MED13: variants seen among roughly 807,000 people sequenced by gnomAD.
MED13 encodes the protein mediator complex subunit 13.
In MED13, 23 loss-of-function variants were observed where a neutral mutation model predicts 225.2. The observed-to-expected ratio is 0.10, with a 90% CI of 0.07 to 0.14. The LOEUF (loss-of-function observed/expected upper bound fraction) is 0.14, where lower values mean the gene tolerates loss of function less well. Among genes scored for constraint, MED13 ranks in the 10% least tolerant of loss-of-function variants. MED13 has a pLI of 1.00. For synonymous variants in MED13, 942 were observed against 889.2 expected (o/e 1.06, Z -1.06); for missense variants, 2,197 against 2,594.5 (o/e 0.85, Z 3.33).
chr17:62,016,896 A>G (rs889805625), intron 8 of MED13, among the ~76,000 whole-genome samples: 1 of 151,740 alleles, frequency 6.6e-6, no homozygotes, highest in African/African-American at 2.4e-5. Flanking sequence ...TGTAATCCCA[A>G]CTACTCAGGA....
chr17:61,987,584 T>C (rs980077574), intron 11 of MED13, among the ~76,000 whole-genome samples: 2 of 152,092 alleles, frequency 1.3e-5, no homozygotes, highest in African/African-American at 4.8e-5. Flanking sequence ...AGTGTTTTTA[T>C]AGAAAAAAAA....
rs117379006 is a variant in MED13, at chr17:62,059,701, G to A, written c.301+3366C>T. On this transcript the variant is annotated intron_variant, in intron 2 of 29. Coordinates refer to ENST00000397786, the MANE Select transcript of MED13 (RefSeq NM_005121.3). ...GGGGTTAGCTAGAGAGACAGAGGCAGACTAATTACCCCAAGAGGGAGGTAG... is the reference window on the plus strand; with the variant it reads ...GGGGTTAGCTAGAGAGACAGAGGCAAACTAATTACCCCAAGAGGGAGGTAG... 1.2e-4 allele frequency among the ~76,000 whole-genome samples: 19 copies of A among 152,270 alleles called. No homozygotes were observed. The East Asian group carries it at 3.7e-3, about 29-fold the overall frequency.
intron 8 of MED13, among the ~76,000 whole-genome samples, chr17:62,012,021 A>C (rs1457147699): frequency 6.6e-6 from 1 of 152,100 alleles, no homozygotes; most frequent in Non-Finnish European, 1.5e-5. Context: ...GTTCGAGACC[A>C]GCTTGGCCAA....
intron 16 of MED13, among the ~76,000 whole-genome samples, chr17:61,976,550 T>C (rs1225229057): frequency 6.6e-6 from 1 of 152,234 alleles, no homozygotes; most frequent in Non-Finnish European, 1.5e-5. Context: ...TTGTATGGTA[T>C]TCTTAATTTT....
At chr17:61,959,089 C>T (rs1408364485) in intron 23 of MED13, among the ~76,000 whole-genome samples, 11 of 151,992 alleles carry the variant, frequency 7.2e-5, no homozygotes, top group African/African-American at 1.2e-4. Context: ...CTGCAACCTC[C>T]GCCTCCTGGG....
chr17:61,993,722 C>A (rs1208096376), intron 10 of MED13, among the ~76,000 whole-genome samples: 2 of 151,612 alleles, frequency 1.3e-5, no homozygotes, highest in Non-Finnish European at 2.9e-5. Context: ...TTGAGGTCAG[C>A]AGTTCAAGAC....
intron 9 of MED13, chr17:62,006,295 AGGG>A (rs2080447711): frequency 1.8e-5 from 1 of 54,326 alleles, no homozygotes. Context: ...GGGGGGGGGG[AGGG>A]AAAAAGAAAA....
chr17:61,960,091 G>A (rs753368150), intron 23 of MED13, among the ~76,000 whole-genome samples: 8 of 152,008 alleles, frequency 5.3e-5, no homozygotes, highest in Non-Finnish European at 1.2e-4. Context: ...CCTGTACAGC[G>A]TTCACTAGCC....
intron 18 of MED13, among the ~76,000 whole-genome samples, chr17:61,967,468 G>A (rs976335940): frequency 6.6e-6 from 1 of 152,126 alleles, no homozygotes; most frequent in Non-Finnish European, 1.5e-5. Context: ...AAAATTTAAA[G>A]ACTAAATTTC....
At chr17:62,019,158 C>T (rs1471679469) in intron 8 of MED13, among the ~76,000 whole-genome samples, 1 of 152,200 alleles carries the variant, frequency 6.6e-6, no homozygotes, top group African/African-American at 2.4e-5. Flanking sequence ...TCATATACTT[C>T]AACCAAGACA....
rs764579862 is a variant in MED13, at chr17:62,029,819, C to T, written c.1172+32G>A. On this transcript the variant is annotated intron_variant, in intron 7 of 29. Coordinates refer to ENST00000397786, the MANE Select transcript of MED13 (RefSeq NM_005121.3). Reference sequence around the variant, plus strand: ...CTAATTATAAGTAATTATCAACATGCAATTTTTGAACTTATAAATGAAAAT... The same window carrying T: ...CTAATTATAAGTAATTATCAACATGTAATTTTTGAACTTATAAATGAAAAT... The T allele has an allele frequency of 3.8e-6, 6 of 1,561,942 alleles. No individual in the cohort carries two copies. The South Asian group carries it at 4.8e-5, about 13-fold the overall frequency.
intron 16 of MED13, among the ~76,000 whole-genome samples, chr17:61,974,097 A>C (rs1156657078): frequency 2.6e-5 from 4 of 152,158 alleles, no homozygotes; most frequent in Admixed American, 6.5e-5. Context: ...ACATAGTAGA[A>C]TACTACTTAG....
rs78264201 is a variant in MED13, at chr17:61,995,030, T to G, written c.2181+122A>C. 6.1e-4 allele frequency: 481 copies of G among 793,508 alleles called. 2 individuals carry two copies. The African/African-American group carries it at 7.9e-3, about 13-fold the overall frequency. The allele number at this position is 793,508 out of a possible 1,614,324, so 49.2% of individuals were successfully genotyped here. ...CCGGGCAAAAATAAGTTTTTCTAAATAAATGATTACTCTTTCTATTCTAAG... is the reference window on the plus strand; with the variant it reads ...CCGGGCAAAAATAAGTTTTTCTAAAGAAATGATTACTCTTTCTATTCTAAG... On this transcript the variant is annotated intron_variant, in intron 10 of 29. Transcript: ENST00000397786.
At chr17:62,007,730 C>T (rs2080464591) in intron 9 of MED13, among the ~76,000 whole-genome samples, 2 of 151,900 alleles carry the variant, frequency 1.3e-5, no homozygotes, top group Admixed American at 1.3e-4. Context: ...CGCCTGTAGC[C>T]CCAGCTACTT....
At chr17:61,991,116 T>G (rs2080294696) in intron 11 of MED13, among the ~76,000 whole-genome samples, 1 of 152,138 alleles carries the variant, frequency 6.6e-6, no homozygotes, top group South Asian at 2.1e-4. Flanking sequence ...TTTTCAATTT[T>G]TATTTATTTA....
At chr17:62,029,773 T>G in intron 7 of MED13, 78 bp downstream of exon 7, 1 of 1,517,566 alleles carries the variant, frequency 6.6e-7, no homozygotes, top group South Asian at 1.3e-5. Flanking sequence ...AACAAATGAC[T>G]GTTTATACTT....
At chr17:61,958,010 G>A (rs1282738039) in intron 23 of MED13, among the ~76,000 whole-genome samples, 1 of 151,086 alleles carries the variant, frequency 6.6e-6, no homozygotes, top group African/African-American at 2.4e-5. Flanking sequence ...GACTACAGGC[G>A]CCCGCCACTA....
In MED13 at chr17:61,955,485, T is replaced by G; in HGVS notation, c.5865A>C (p.Thr1955=). 2.5e-6 allele frequency: 4 copies of G among 1,605,588 alleles called. No individual in the cohort carries two copies. The highest frequency in any genetic ancestry group is 2.5e-6 in the Non-Finnish European group (3 of 1,177,396). ...GAAACACAAGTATATGAGTACATGA[T>G]GTATCCTGTGGGGTATTTAGCTGAG... ...QTSQLNTPQD[T]SCTHILVFPT... The change falls in exon 26 of 30, where the codon ACA becomes ACC. Residue 1955 remains threonine (T), a synonymous_variant. Transcript: ENST00000397786.
intron 20 of MED13, among the ~76,000 whole-genome samples, chr17:61,963,676 G>A (rs768937408): frequency 6.6e-6 from 1 of 152,096 alleles, no homozygotes; most frequent in Non-Finnish European, 1.5e-5. Context: ...ATTCTTTGAT[G>A]GGTGATTTGA....
Sources: gnomAD v4.1 joint callset for allele counts (sites outside exome capture counted in the v4.1 genomes callset) on GRCh38, gnomAD v4.1.1 for gene constraint, MANE v1.5 for transcripts, NCBI Gene and HGNC (gene_info 2026-07-23, HGNC 2026-07-21) for gene names.